Variants in GABRB2 observed in about 807,000 individuals in gnomAD.
GABRB2 encodes gamma-aminobutyric acid type A receptor subunit beta2, also known as gamma-aminobutyric acid receptor subunit beta-2.
A neutral mutation model predicts 54.7 loss-of-function variants in GABRB2; 16 were observed. That is an observed-to-expected ratio of 0.29 (90% confidence interval 0.20 to 0.44). The LOEUF is 0.44. Ranked by LOEUF, GABRB2 falls within the 20% of genes least tolerant of loss-of-function variation. GABRB2 has a pLI of 1.00. For missense variants in GABRB2, 355 were observed against 644.0 expected (o/e 0.55, Z 4.86); for synonymous variants, 244 against 233.8 (o/e 1.04, Z -0.40).
intron 5 of GABRB2, among the ~76,000 whole-genome samples, chr5:161,345,849 T>A (rs192820188): frequency 5.3e-5 from 8 of 152,208 alleles, no homozygotes; most frequent in Admixed American, 3.3e-4. Flanking sequence ...TATAGCTCTT[T>A]TCCTTCTTAA....
chr5:161,473,035 AC>A (rs1758491896), intron 3 of GABRB2, among the ~76,000 whole-genome samples: 2 of 152,114 alleles, frequency 1.3e-5, no homozygotes, highest in East Asian at 3.9e-4. Flanking sequence ...AGCAACACTC[AC>A]ACAGCCTAAT....
intron 4 of GABRB2, among the ~76,000 whole-genome samples, chr5:161,413,667 G>A (rs1262194805): frequency 6.6e-6 from 1 of 152,076 alleles, no homozygotes; most frequent in Non-Finnish European, 1.5e-5. Context: ...GGTACATGAT[G>A]GGCATATTAA....
chr5:161,340,085 C>T (rs1016049837), intron 5 of GABRB2, among the ~76,000 whole-genome samples: 9 of 151,984 alleles, frequency 5.9e-5, no homozygotes, highest in Non-Finnish European at 1.5e-5. Flanking sequence ...TTCTTTCCTC[C>T]TAATCTTCCT....
At position 161,477,302 on chromosome 5, in the gene GABRB2, A is replaced by T. The variant is rs1275377104; in HGVS notation, c.238-17458T>A. Among the ~76,000 whole-genome samples, 3 of 140,188 alleles carry T rather than the reference A, an allele frequency of 2.1e-5. No individual in the cohort carries two copies. The East Asian group carries it at 6.3e-4, about 29-fold the overall frequency. 92.0% of individuals were successfully genotyped at this position (140,188 alleles called of 152,430 possible). A position where few individuals can be genotyped will look rare whatever the true frequency, so the allele number is the denominator to read the frequency against. On this transcript the variant is annotated intron_variant, in intron 3 of 9. Transcript: ENST00000393959. ...ACAAAAGCAAAAAAAAAAAAAAAAA[A>T]GAACAGTAAGTGTTGATGAAGATGT...
At chr5:161,403,434 A>G (rs1756261210) in intron 5 of GABRB2, among the ~76,000 whole-genome samples, 1 of 152,124 alleles carries the variant, frequency 6.6e-6, no homozygotes, top group African/African-American at 2.4e-5. Context: ...CATCATGTAA[A>G]AGTGCTGAGG....
intron 7 of GABRB2, among the ~76,000 whole-genome samples, chr5:161,333,173 CA>C (rs201283390): frequency 0.016 from 2,363 of 152,150 alleles, 24 homozygotes; most frequent in Middle Eastern, 0.082. Flanking sequence ...GTAATCGATA[CA>C]AAAAAGACAT....
chr5:161,366,885 T>C (rs1580921944), intron 5 of GABRB2, among the ~76,000 whole-genome samples: 2 of 152,066 alleles, frequency 1.3e-5, no homozygotes, highest in African/African-American at 4.8e-5. Context: ...AAGGCAAAGG[T>C]TGCAGTAATC....
intron 4 of GABRB2, among the ~76,000 whole-genome samples, chr5:161,430,947 A>G (rs1367238652): frequency 6.6e-6 from 1 of 152,188 alleles, no homozygotes; most frequent in African/African-American, 2.4e-5. Flanking sequence ...TGTGAGTTTA[A>G]GTCAATTTTC....
chr5:161,390,464 T>C (rs1755784960), intron 5 of GABRB2, among the ~76,000 whole-genome samples: 1 of 151,998 alleles, frequency 6.6e-6, no homozygotes, highest in African/African-American at 2.4e-5. Flanking sequence ...ACACCCTAGG[T>C]TGGATTCATG....
intron 9 of GABRB2, among the ~76,000 whole-genome samples, chr5:161,309,833 G>T (rs981177325): frequency 6.6e-6 from 1 of 150,958 alleles, no homozygotes; most frequent in Non-Finnish European, 1.5e-5. Context: ...GGGTTTCACC[G>T]TGTTAGCCAG....
chr5:161,435,051 T>C (rs1757270994), intron 4 of GABRB2, among the ~76,000 whole-genome samples: 1 of 152,236 alleles, frequency 6.6e-6, no homozygotes, highest in Non-Finnish European at 1.5e-5. Flanking sequence ...AAAATGTTCA[T>C]ACACATTGAC....
intron 3 of GABRB2, among the ~76,000 whole-genome samples, chr5:161,463,317 CCACACACACACACA>C (rs137863733): frequency 2.1e-5 from 3 of 141,106 alleles, no homozygotes; most frequent in Admixed American, 7.2e-5. Flanking sequence ...TACACACACA[CCACACACACACACA>C]CACACACACA....
chr5:161,458,515 A>G (rs1442559559), intron 4 of GABRB2, among the ~76,000 whole-genome samples: 1 of 152,216 alleles, frequency 6.6e-6, no homozygotes, highest in African/African-American at 2.4e-5. Context: ...ATAAAGTATC[A>G]GTCAGGAGTA....
chr5:161,507,920 C>T (rs532850873), intron 3 of GABRB2, among the ~76,000 whole-genome samples: 1 of 151,778 alleles, frequency 6.6e-6, no homozygotes, highest in South Asian at 2.1e-4. Flanking sequence ...AATGAAGGGA[C>T]CATTTTGAAG....
At chr5:161,434,158 C>T (rs993787909) in intron 4 of GABRB2, among the ~76,000 whole-genome samples, 51 of 152,224 alleles carry the variant, frequency 3.4e-4, no homozygotes, top group African/African-American at 1.2e-3. Flanking sequence ...AATATCAGGG[C>T]TAAATTCAGC....
chr5:161,418,380 A>C (rs955206251), intron 4 of GABRB2, among the ~76,000 whole-genome samples: 4 of 152,204 alleles, frequency 2.6e-5, no homozygotes, highest in Non-Finnish European at 5.9e-5. Context: ...ACTGTCTTCT[A>C]AGTTATGTCT....
intron 5 of GABRB2, among the ~76,000 whole-genome samples, chr5:161,376,960 CAAAG>C (rs1283400552): frequency 6.6e-6 from 1 of 151,616 alleles, no homozygotes; most frequent in African/African-American, 2.4e-5. Context: ...AAGAAAAAAA[CAAAG>C]AAGAAGGAAT....
At chr5:161,493,329 T>C (rs2113357992) in intron 3 of GABRB2, among the ~76,000 whole-genome samples, 1 of 151,822 alleles carries the variant, frequency 6.6e-6, no homozygotes, top group East Asian at 1.9e-4. Context: ...TACATTTTGT[T>C]CTATGTGTCC....
intron 9 of GABRB2, among the ~76,000 whole-genome samples, chr5:161,301,632 G>T (rs535880031): frequency 6.6e-6 from 1 of 152,178 alleles, no homozygotes; most frequent in Non-Finnish European, 1.5e-5. Context: ...TAAATGAAAC[G>T]AGAGGGAGGG....
Sources: allele counts gnomAD v4.1 joint callset (sites outside exome capture counted in the v4.1 genomes callset), GRCh38; gene constraint gnomAD v4.1.1; transcripts MANE v1.5; gene names NCBI Gene and HGNC (gene_info 2026-07-23, HGNC 2026-07-21).